The following CC2D2A variants were observed in gnomAD, a reference collection of about 807,000 sequenced individuals.
CC2D2A encodes the protein coiled-coil and C2 domain-containing protein 2A.
CC2D2A carries 155 observed loss-of-function variants against 212.9 expected under a neutral mutation model. The ratio of observed to expected loss-of-function variants is 0.73; its 90% confidence interval spans 0.64 to 0.83. The LOEUF is 0.83. Ranked by LOEUF, CC2D2A falls within the 40% of genes least tolerant of loss-of-function variation. The pLI, the probability that CC2D2A is intolerant of heterozygous loss-of-function variation, is 0.00. For synonymous variants in CC2D2A, 667 were observed against 686.5 expected, an observed-to-expected ratio of 0.97 and a Z score of 0.44; for missense variants, 1,856 against 1,956.2, an observed-to-expected ratio of 0.95 and a Z score of 0.97.
intron 14 of CC2D2A, among the ~76,000 whole-genome samples, chr4:15,535,914 C>G (rs777026221): frequency 6.6e-6 from 1 of 152,118 alleles, no homozygotes; most frequent in African/African-American, 2.4e-5. Flanking sequence ...ACACATTTGC[C>G]GCCATCTACC....
intron 33 of CC2D2A, among the ~76,000 whole-genome samples, chr4:15,594,708 G>A (rs2148492491): frequency 6.6e-6 from 1 of 152,228 alleles, no homozygotes; most frequent in Non-Finnish European, 1.5e-5. Context: ...CACGAGAAAG[G>A]GTATGCATAT....
In CC2D2A at chr4:15,574,866, G is replaced by T. The variant is rs868545322; in HGVS notation, c.3771+540G>T. Among the ~76,000 whole-genome samples the T allele has an allele frequency of 2.6e-5, 4 of 152,170 alleles. No homozygotes were observed. The South Asian group carries it at 8.3e-4, about 31-fold the overall frequency. On this transcript the variant is annotated intron_variant, in intron 29 of 36. Transcript: ENST00000424120. ...AAACAGCTCTAGAAAAGAGTTTCCA[G>T]AACTTTCACTGGTTAGCAACTGTCC...
intron 17 of CC2D2A, 165 bp from the exon 18 acceptor site, chr4:15,550,659 C>A: frequency 2.3e-6 from 1 of 440,192 alleles, no homozygotes; most frequent in Non-Finnish European, 3.9e-6. Flanking sequence ...GTAAGCTCAT[C>A]TCCATGGAAA....
At chr4:15,513,980 A>C (rs1022421098) in intron 8 of CC2D2A, among the ~76,000 whole-genome samples, 1 of 152,210 alleles carries the variant, frequency 6.6e-6, no homozygotes, top group Non-Finnish European at 1.5e-5. Flanking sequence ...ATAAATGGAC[A>C]CCAGGTTTAA....
intron 28 of CC2D2A, among the ~76,000 whole-genome samples, chr4:15,571,597 C>T (rs1720170464): frequency 9.2e-6 from 1 of 108,664 alleles, no homozygotes; most frequent in Admixed American, 1.1e-4. Context: ...AGCGAGACTC[C>T]GTTTAAACCA....
At chr4:15,550,265 T>C (rs1718928337) in intron 17 of CC2D2A, among the ~76,000 whole-genome samples, 2 of 151,204 alleles carry the variant, frequency 1.3e-5, no homozygotes, top group Admixed American at 6.6e-5. Flanking sequence ...TGGCTCCATC[T>C]AGGAGAAGAT....
chr4:15,551,122 T>C (rs1718987121), intron 18 of CC2D2A, 142 bp downstream of exon 18: 1 of 724,222 alleles, frequency 1.4e-6, no homozygotes, highest in African/African-American at 1.8e-5. Flanking sequence ...GCTATGCAAC[T>C]TTTTGCCAAG....
At chr4:15,478,969 A>C (rs562505018) in intron 3 of CC2D2A, among the ~76,000 whole-genome samples, 163 bp downstream of exon 3, 1 of 152,264 alleles carries the variant, frequency 6.6e-6, no homozygotes, top group South Asian at 2.1e-4. Flanking sequence ...TGGGTGGTCC[A>C]GGGTGCAGGA....
At chr4:15,569,491 A>G (rs1477293598) in intron 27 of CC2D2A, 102 bp downstream of exon 27, 1 of 681,778 alleles carries the variant, frequency 1.5e-6, no homozygotes, top group East Asian at 2.8e-5. Context: ...GTCCCGATCT[A>G]GATCCTTTCT....
At chr4:15,595,708 G>C (rs962159049) in intron 33 of CC2D2A, among the ~76,000 whole-genome samples, 1 of 152,232 alleles carries the variant, frequency 6.6e-6, no homozygotes, top group Non-Finnish European at 1.5e-5. Flanking sequence ...CATTGCTGTG[G>C]ATGCAGAGAT....
At chr4:15,570,322 T>C in intron 27 of CC2D2A, 76 bp from the exon 28 acceptor site, 7 of 862,506 alleles carry the variant, frequency 8.1e-6, no homozygotes, top group South Asian at 1.7e-5. Flanking sequence ...AAAATCTTGC[T>C]GCTTTCCTGC....
At chr4:15,592,032 T>C (rs1721127845) in intron 33 of CC2D2A, among the ~76,000 whole-genome samples, 1 of 152,214 alleles carries the variant, frequency 6.6e-6, no homozygotes, top group Admixed American at 6.6e-5. Context: ...TTTGTTGTCC[T>C]GGCACTCTGA....
At chr4:15,477,226 T>C (rs773560489) in intron 2 of CC2D2A, among the ~76,000 whole-genome samples, 2 of 147,396 alleles carry the variant, frequency 1.4e-5, no homozygotes, top group African/African-American at 2.5e-5. Context: ...CACTTTGACC[T>C]GGGTGGCGGA....
At chr4:15,492,104 C>G (rs1198081063) in intron 4 of CC2D2A, among the ~76,000 whole-genome samples, 2 of 152,176 alleles carry the variant, frequency 1.3e-5, no homozygotes, top group Non-Finnish European at 2.9e-5. Context: ...TTCTATCAAA[C>G]CAAACCTGTT....
In CC2D2A at chr4:15,567,686, C is replaced by T. The variant is rs767086890; in HGVS notation, c.3298C>T (p.Arg1100Cys). 2.1e-5 allele frequency: 34 copies of T among 1,600,146 alleles called. No individual in the cohort carries two copies. Among genetic ancestry groups the T allele is most frequent in the Admixed American group, 5.3e-5 (3 of 56,170 alleles). Residue 1100 changes from arginine to cysteine, a missense_variant, in exon 26 of 37, where the codon CGT becomes TGT. Around this residue, in one of 5 missense-constraint regions of CC2D2A, gnomAD observed 1,512 missense variants for 1,579.3 expected, o/e 0.96. Transcript: ENST00000424120. The stretch of plus-strand genomic sequence containing the variant: ...TGCTCTTGATTTTAAGGTTTTAGTA[C>T]GTCCCTTTGTAGAAGTCTCTTTTCA... Reference protein sequence around the residue: ...ADYPLGQVLVRPFVEVSFQRT... With the variant: ...ADYPLGQVLVCPFVEVSFQRT...
chr4:15,568,680 A>G (rs1200558330), intron 26 of CC2D2A, among the ~76,000 whole-genome samples: 1 of 152,202 alleles, frequency 6.6e-6, no homozygotes, highest in East Asian at 1.9e-4. Context: ...AAGAAAACAT[A>G]AAGTCAAATG....
intron 13 of CC2D2A, among the ~76,000 whole-genome samples, chr4:15,532,869 G>A (rs935526305): frequency 2.6e-5 from 4 of 152,230 alleles, no homozygotes; most frequent in African/African-American, 7.2e-5. Context: ...ATACTTTGCT[G>A]TGTTTATAAT....
chr4:15,516,626 AAAG>A lies in CC2D2A; in HGVS notation c.1024_1026del (p.Arg342del). On this transcript the variant is annotated inframe_deletion and splice_region_variant, in exon 11 of 37. Transcript: ENST00000424120. Reference sequence around the variant, plus strand: ...CCATTCCCTCTGCTTCATCTACAGGAAAGAAGATGGTTTGGAGATGACGGCAGG... The same window carrying A: ...CCATTCCCTCTGCTTCATCTACAGGAAAGATGGTTTGGAGATGACGGCAGG... 1 of 1,611,524 alleles carries A rather than the reference AAAG, an allele frequency of 6.2e-7. No individual in the cohort carries two copies. The highest frequency in any genetic ancestry group is 8.5e-7 in the Non-Finnish European group (1 of 1,178,770).
At chr4:15,528,238 G>A (rs1449710383) in intron 12 of CC2D2A, among the ~76,000 whole-genome samples, 2 of 152,186 alleles carry the variant, frequency 1.3e-5, no homozygotes, top group Non-Finnish European at 2.9e-5. Context: ...TTACGAGTCT[G>A]TAATTTTATA....
Sources: allele counts gnomAD v4.1 joint callset (sites outside exome capture counted in the v4.1 genomes callset), GRCh38; gene constraint gnomAD v4.1.1; regional missense constraint gnomAD v4.1.1; transcripts MANE v1.5; gene names NCBI Gene and HGNC (gene_info 2026-07-23, HGNC 2026-07-21).